Variants in GSE1 observed in about 807,000 individuals in gnomAD.
GSE1 encodes genetic suppressor element 1.
Under a neutral mutation model 112.6 loss-of-function variants are expected in GSE1, and 32 were observed. That is an observed-to-expected ratio of 0.28 (90% CI 0.21 to 0.38). The LOEUF (loss-of-function observed/expected upper bound fraction) is 0.38. Ranked by LOEUF, GSE1 falls within the 10% of genes least tolerant of loss-of-function variation. The probability of loss-of-function intolerance (pLI) is 1.00; values close to 1 mark genes in which losing one functional copy is unlikely to be tolerated. For synonymous variants in GSE1, 1,115 were observed against 735.6 expected, an observed-to-expected ratio of 1.52 and a Z score of -8.35; for missense variants, 2,348 against 1,699.2, an observed-to-expected ratio of 1.38 and a Z score of -6.71.
At chr16:85,499,341 C>T (rs1030002564) in intron 2 of GSE1, among the ~76,000 whole-genome samples, 10 of 114,486 alleles carry the variant, frequency 8.7e-5, no homozygotes, top group African/African-American at 2.0e-4. Flanking sequence ...GACAGAGTCT[C>T]ACTCAGTCGC....
intron 2 of GSE1, among the ~76,000 whole-genome samples, chr16:85,415,116 T>C (rs1009440161): frequency 2.0e-5 from 3 of 152,074 alleles, no homozygotes; most frequent in African/African-American, 7.2e-5. Context: ...ATTTTTGTAT[T>C]TTCTGTAGAG....
At chr16:85,224,301 C>CAAAAAAAAAAAAAAAAAA (rs55755242) in intron 1 of GSE1, among the ~76,000 whole-genome samples, 2 of 38,814 alleles carry the variant, frequency 5.2e-5, no homozygotes, top group African/African-American at 1.1e-4. Flanking sequence ...ACTAAAAATA[C>CAAAAAAAAAAAAAAAAAA]AAAAAAAAAA....
chr16:85,404,810 A>G (rs796250291), intron 2 of GSE1, among the ~76,000 whole-genome samples: 143 of 11,342 alleles, frequency 0.013, no homozygotes, highest in Non-Finnish European at 0.014. Flanking sequence ...GATAATCCTC[A>G]CTGTTACTCT....
intron 2 of GSE1, among the ~76,000 whole-genome samples, chr16:85,452,858 G>A (rs1245350612): frequency 6.6e-6 from 1 of 152,240 alleles, no homozygotes; most frequent in Non-Finnish European, 1.5e-5. Context: ...CCCTCTGCCA[G>A]GCGCTGGGCT....
intron 2 of GSE1, among the ~76,000 whole-genome samples, chr16:85,499,000 C>T (rs1261981291): frequency 6.6e-6 from 1 of 152,220 alleles, no homozygotes; most frequent in East Asian, 1.9e-4. Context: ...AAGGGCAGGG[C>T]TAGGGCCACC....
chr16:85,560,369 T>A (rs1042462864), intron 1 of GSE1, among the ~76,000 whole-genome samples: 1 of 152,088 alleles, frequency 6.6e-6, no homozygotes, highest in Non-Finnish European at 1.5e-5. Context: ...TCTCTTGACC[T>A]GCCTTGGCCT....
chr16:85,295,327 C>G lies in GSE1; in HGVS notation c.2284-62136C>G, dbSNP rs1429258952. Among the ~76,000 whole-genome samples the G allele has an allele frequency of 2.0e-5, 3 of 152,300 alleles. No individual in the cohort carries two copies. The East Asian group carries it at 5.8e-4, about 29-fold the overall frequency. The stretch of plus-strand genomic sequence containing the variant: ...CACTCGGGACCAGCCTGGGGCGAAA[C>G]CCTGTCTCTACTAAAAATACAAACA... On this transcript the variant is annotated intron_variant, in intron 1 of 2. Transcript: ENST00000637419.
chr16:85,327,719 C>T (rs2046255254), intron 1 of GSE1, among the ~76,000 whole-genome samples: 1 of 152,208 alleles, frequency 6.6e-6, no homozygotes, highest in South Asian at 2.1e-4. Context: ...GTGTTTGTTC[C>T]ATCTTTGTGA....
intron 11 of GSE1, chr16:85,664,735 C>G: frequency 2.8e-6 from 1 of 350,966 alleles, no homozygotes; most frequent in Non-Finnish European, 5.3e-6. Context: ...CACGTCACCA[C>G]CGAGGTCCGT....
At chr16:85,208,212 A>T (rs529053004) in intron 1 of GSE1, among the ~76,000 whole-genome samples, 1 of 152,142 alleles carries the variant, frequency 6.6e-6, no homozygotes, top group African/African-American at 2.4e-5. Context: ...TGGTGTCTCA[A>T]CGTTCCTGCT....
intron 13 of GSE1, among the ~76,000 whole-genome samples, chr16:85,667,419 CAG>C (rs1323969524): frequency 2.6e-5 from 4 of 152,262 alleles, no homozygotes; most frequent in Admixed American, 6.5e-5. Context: ...CGCCATGAGA[CAG>C]GGCATGCCCT....
chr16:85,491,115 G>C (rs2050997603), intron 2 of GSE1, among the ~76,000 whole-genome samples: 1 of 152,182 alleles, frequency 6.6e-6, no homozygotes, highest in African/African-American at 2.4e-5. Flanking sequence ...CCCTGTCGCA[G>C]GGGGCGGCAC....
intron 1 of GSE1, among the ~76,000 whole-genome samples, chr16:85,566,888 G>T (rs1314331946): frequency 6.6e-6 from 1 of 152,186 alleles, no homozygotes; most frequent in African/African-American, 2.4e-5. Context: ...GCTGTGGAGG[G>T]GCCGCAGCGG....
In GSE1 at chr16:85,663,029, A is replaced by G. The variant is rs61751198; in HGVS notation, c.2309A>G (p.Glu770Gly). ...TCTTACGACGAGAGCGATGAGGAGG[A>G]GGTCAGGGCCCACCTCCGTTGCGTG... Reference protein sequence around the residue: ...DDSYDESDEEEVRAHLRCVAE... With the variant: ...DDSYDESDEEGVRAHLRCVAE... Residue 770 changes from glutamate to glycine, a missense_variant, in exon 10 of 16, where the codon GAG becomes GGG. Transcript: ENST00000253458. The G allele has an allele frequency of 1.9e-6, 3 of 1,612,984 alleles. No homozygotes were observed. The highest frequency in any genetic ancestry group is 2.5e-6 in the Non-Finnish European group (3 of 1,179,506).
chr16:85,384,324 C>G (rs1434710596), intron 2 of GSE1, among the ~76,000 whole-genome samples: 1 of 152,216 alleles, frequency 6.6e-6, no homozygotes, highest in Non-Finnish European at 1.5e-5. Context: ...GGAGAACCTC[C>G]CCCTTGCCCA....
At chr16:85,233,451 G>A (rs528715401) in intron 1 of GSE1, among the ~76,000 whole-genome samples, 6 of 152,286 alleles carry the variant, frequency 3.9e-5, no homozygotes, top group Non-Finnish European at 8.8e-5. Flanking sequence ...CCAGGGCCCC[G>A]TTCTCTCCTC....
chr16:85,637,670 G>C (rs2050116218), intron 2 of GSE1, among the ~76,000 whole-genome samples: 1 of 152,298 alleles, frequency 6.6e-6, no homozygotes, highest in East Asian at 1.9e-4. Context: ...CGTTGTAAGT[G>C]GCATGGGGAA....
At chr16:85,631,519 G>A (rs927174210) in intron 1 of GSE1, among the ~76,000 whole-genome samples, 20 of 152,250 alleles carry the variant, frequency 1.3e-4, no homozygotes, top group African/African-American at 3.6e-4. Flanking sequence ...GGTGAGCATC[G>A]CAGACTCAGA....
intron 1 of GSE1, among the ~76,000 whole-genome samples, chr16:85,621,474 C>T (rs575573371): frequency 1.3e-5 from 2 of 152,352 alleles, no homozygotes; most frequent in East Asian, 3.9e-4. Flanking sequence ...TATCGTTTTA[C>T]AACGTGTTGT....
Sources: allele counts gnomAD v4.1 joint callset (sites outside exome capture counted in the v4.1 genomes callset), GRCh38; gene constraint gnomAD v4.1.1; transcripts MANE v1.5; gene names NCBI Gene and HGNC (gene_info 2026-07-23, HGNC 2026-07-21).